ZMIZ1: variants seen among roughly 807,000 people sequenced by gnomAD.
ZMIZ1 encodes the protein zinc finger MIZ domain-containing protein 1.
Under a neutral mutation model 113.9 loss-of-function variants are expected in ZMIZ1, and 17 were observed. The ratio of observed to expected loss-of-function variants is 0.15; its 90% CI spans 0.10 to 0.22. ZMIZ1 has a LOEUF of 0.22. Among genes scored for constraint, ZMIZ1 ranks in the 10% least tolerant of loss-of-function variants. ZMIZ1 has a pLI of 1.00. For missense variants in ZMIZ1, 1,059 were observed against 1,477.8 expected (o/e 0.72, Z 4.65); for synonymous variants, 607 against 603.1 (o/e 1.01, Z -0.09).
chr10:79,099,652 A>G (rs1236049529), intron 1 of ZMIZ1, among the ~76,000 whole-genome samples: 2 of 152,096 alleles, frequency 1.3e-5, no homozygotes, highest in African/African-American at 2.4e-5. Flanking sequence ...TGTGGAGCCC[A>G]AGTCCCTGCA....
intron 7 of ZMIZ1, among the ~76,000 whole-genome samples, chr10:79,226,650 G>A (rs1376735327): frequency 1.3e-5 from 2 of 152,240 alleles, no homozygotes; most frequent in African/African-American, 2.4e-5. Flanking sequence ...ATTCGAGGGT[G>A]TGAGAGTGAA....
chr10:79,312,218 T>G (rs185318193), intron 24 of ZMIZ1, among the ~76,000 whole-genome samples: 2,217 of 151,676 alleles, frequency 0.015, 25 homozygotes, highest in South Asian at 0.044. Flanking sequence ...TGTTGGGGGG[T>G]TGGGGGCGGT....
chr10:79,154,931 C>T (rs1020824093), intron 3 of ZMIZ1, among the ~76,000 whole-genome samples: 2 of 152,164 alleles, frequency 1.3e-5, no homozygotes, highest in Non-Finnish European at 2.9e-5. Flanking sequence ...ACTTATGGCC[C>T]CTGTTTACGG....
At chr10:79,116,884 C>T (rs183216951) in intron 1 of ZMIZ1, among the ~76,000 whole-genome samples, 1 of 152,376 alleles carries the variant, frequency 6.6e-6, no homozygotes, top group African/African-American at 2.4e-5. Context: ...GAGTTATCTC[C>T]TGCTGCCCAG....
At chr10:79,110,894 C>G (rs1459783816) in intron 1 of ZMIZ1, among the ~76,000 whole-genome samples, 2 of 152,222 alleles carry the variant, frequency 1.3e-5, no homozygotes, top group East Asian at 3.9e-4. Flanking sequence ...TCTGGAAGCA[C>G]AGATGATACC....
chr10:79,249,912 A>G (rs1426536180), intron 7 of ZMIZ1, among the ~76,000 whole-genome samples: 2 of 152,176 alleles, frequency 1.3e-5, no homozygotes, highest in Non-Finnish European at 2.9e-5. Flanking sequence ...GACAGTAATT[A>G]TGAAACCCAC....
intron 19 of ZMIZ1, among the ~76,000 whole-genome samples, chr10:79,304,787 A>G (rs753970308): frequency 5.9e-5 from 9 of 152,194 alleles, no homozygotes; most frequent in Non-Finnish European, 1.0e-4. Context: ...TCTGATACAG[A>G]TGGATGAACT....
chr10:79,141,408 A>G (rs1215626233), intron 3 of ZMIZ1, among the ~76,000 whole-genome samples: 1 of 152,190 alleles, frequency 6.6e-6, no homozygotes, highest in African/African-American at 2.4e-5. Flanking sequence ...GTAGGAGCAC[A>G]GAGTCTACAG....
intron 1 of ZMIZ1, among the ~76,000 whole-genome samples, chr10:79,077,359 G>C (rs1371969476): frequency 1.3e-5 from 2 of 152,118 alleles, no homozygotes; most frequent in African/African-American, 4.8e-5. Flanking sequence ...AGTGGGACGC[G>C]ACCTTATAGG....
intron 24 of ZMIZ1, 121 bp downstream of exon 24, chr10:79,311,305 A>AT: frequency 3.1e-5 from 9 of 289,478 alleles, no homozygotes; most frequent in East Asian, 2.6e-4. Context: ...GGGCGGTGGG[A>AT]GGGCTTCACC....
At chr10:79,073,523 G>T (rs1842366591) in intron 1 of ZMIZ1, among the ~76,000 whole-genome samples, 1 of 152,178 alleles carries the variant, frequency 6.6e-6, no homozygotes, top group Non-Finnish European at 1.5e-5. Context: ...CATGCCTTCT[G>T]CAAATCCACA....
At chr10:79,221,095 G>A (rs1848947127) in intron 7 of ZMIZ1, among the ~76,000 whole-genome samples, 1 of 152,206 alleles carries the variant, frequency 6.6e-6, no homozygotes, top group South Asian at 2.1e-4. Context: ...GCCTGTGTGT[G>A]TCGCCCTGGC....
chr10:79,127,935 C>T (rs1165672743), intron 2 of ZMIZ1, among the ~76,000 whole-genome samples: 1 of 152,226 alleles, frequency 6.6e-6, no homozygotes, highest in Non-Finnish European at 1.5e-5. Flanking sequence ...AGGGCCACTG[C>T]TCAGCCAGCG....
intron 7 of ZMIZ1, among the ~76,000 whole-genome samples, chr10:79,233,764 C>T (rs1849485889): frequency 6.8e-6 from 1 of 146,944 alleles, no homozygotes; most frequent in Admixed American, 6.8e-5. Context: ...CTGGAAAAGC[C>T]CAAAGATTGG....
In ZMIZ1 at chr10:79,214,545, GC is replaced by G. The variant is rs549539219; in HGVS notation, c.175-1621del. On this transcript the variant is annotated intron_variant, in intron 6 of 24. Coordinates refer to ENST00000334512, the MANE Select transcript of ZMIZ1 (RefSeq NM_020338.4). Reference sequence around the variant, plus strand: ...TTGGCCTAGGTAAGTGGTGTTCCCAGCCCTTTTAGCCCCAGAGCCCCTTTCA... The same window carrying G: ...TTGGCCTAGGTAAGTGGTGTTCCCAGCCTTTTAGCCCCAGAGCCCCTTTCA... Among the ~76,000 whole-genome samples, 27 of 152,282 alleles carry G rather than the reference GC, an allele frequency of 1.8e-4. No individual in the cohort carries two copies. In the East Asian group the frequency reaches 5.2e-3, roughly 29 times the overall value.
chr10:79,160,238 CTGTT>C (rs755908949), intron 3 of ZMIZ1, among the ~76,000 whole-genome samples: 7 of 152,194 alleles, frequency 4.6e-5, no homozygotes, highest in Non-Finnish European at 7.3e-5. Context: ...AACCCCAAAA[CTGTT>C]TGTATTTCCA....
intron 23 of ZMIZ1, among the ~76,000 whole-genome samples, chr10:79,309,620 C>T (rs1437681653): frequency 3.9e-5 from 6 of 152,220 alleles, no homozygotes; most frequent in Non-Finnish European, 5.9e-5. Flanking sequence ...ACACCTGGAC[C>T]GTGGGCAGAG....
intron 4 of ZMIZ1, among the ~76,000 whole-genome samples, chr10:79,169,946 TC>T (rs1352295184): frequency 6.6e-6 from 1 of 152,182 alleles, no homozygotes; most frequent in Non-Finnish European, 1.5e-5. Context: ...CACTTCCCTC[TC>T]CAGAGACAAT....
chr10:79,133,050 G>T (rs1844839668), intron 2 of ZMIZ1, among the ~76,000 whole-genome samples: 1 of 152,162 alleles, frequency 6.6e-6, no homozygotes, highest in African/African-American at 2.4e-5. Context: ...CCACTCCCTT[G>T]ATTCAGACCT....
Sources: allele counts gnomAD v4.1 joint callset (sites outside exome capture counted in the v4.1 genomes callset), GRCh38; gene constraint gnomAD v4.1.1; transcripts MANE v1.5; gene names NCBI Gene and HGNC (gene_info 2026-07-23, HGNC 2026-07-21).